JARID2: variants seen among roughly 807,000 people sequenced by gnomAD.
JARID2 encodes jumonji and AT-rich interaction domain containing 2, also known as protein Jumonji.
A neutral mutation model predicts 125.6 loss-of-function variants in JARID2; 21 were observed. The observed-to-expected ratio is 0.17, with a 90% confidence interval of 0.12 to 0.24. JARID2 has a LOEUF of 0.24. JARID2 is among the 10% of genes least tolerant of loss of function. JARID2 has a pLI of 1.00. For missense variants in JARID2, 1,303 were observed against 1,639.6 expected (o/e 0.79, Z 3.55); for synonymous variants, 736 against 661.6 (o/e 1.11, Z -1.73).
intron 5 of JARID2, among the ~76,000 whole-genome samples, chr6:15,473,137 A>T (rs1769157355): frequency 5.3e-5 from 8 of 152,242 alleles, no homozygotes; most frequent in Admixed American, 5.2e-4. Flanking sequence ...TTTTATTGTG[A>T]TAAGTGCTGA....
intron 8 of JARID2, among the ~76,000 whole-genome samples, chr6:15,502,139 T>G (rs1464517641): frequency 1.3e-5 from 2 of 152,238 alleles, no homozygotes; most frequent in Admixed American, 1.3e-4. Flanking sequence ...AGCGTTTCCC[T>G]GTCTCCGCCA....
Position 15,496,746 on chromosome 6 carries a change from C to G in JARID2, c.1521C>G (p.Ser507Arg). 1 of 1,613,670 alleles carries G rather than the reference C, an allele frequency of 6.2e-7. No individual in the cohort carries two copies. Among genetic ancestry groups the G allele is most frequent in the Non-Finnish European group, 8.5e-7 (1 of 1,179,960 alleles). Residue 507 changes from serine to arginine, a missense_variant, in exon 7 of 18, where the codon AGC becomes AGG. Ser to Arg is a moderately radical substitution (Grantham distance 110). Transcript: ENST00000341776. ...CGAAGCGGGCCACGGCCGGGAAGAG[C>G]ACGCCAGGCAGACAAGCACATGGCA... Reference protein sequence around the residue: ...NRPKRATAGKSTPGRQAHGKA... With the variant: ...NRPKRATAGKRTPGRQAHGKA...
intron 3 of JARID2, among the ~76,000 whole-genome samples, chr6:15,439,511 T>A (rs1404948837): frequency 6.6e-6 from 1 of 152,220 alleles, no homozygotes; most frequent in Non-Finnish European, 1.5e-5. Context: ...GGGTTTAAGC[T>A]GCACTGAAGG....
chr6:15,413,632 G>T (rs1443250309), intron 3 of JARID2, among the ~76,000 whole-genome samples: 1 of 152,138 alleles, frequency 6.6e-6, no homozygotes, highest in Non-Finnish European at 1.5e-5. Context: ...AAAGAGATGG[G>T]ATCTGGCTTT....
intron 1 of JARID2, among the ~76,000 whole-genome samples, chr6:15,303,275 A>T (rs1197563778): frequency 2.0e-5 from 3 of 152,242 alleles, no homozygotes; most frequent in African/African-American, 7.2e-5. Flanking sequence ...ATTCATAGGC[A>T]TCACCTGGGG....
intron 2 of JARID2, among the ~76,000 whole-genome samples, chr6:15,388,639 T>C (rs1764881626): frequency 6.7e-6 from 1 of 149,548 alleles, no homozygotes; most frequent in African/African-American, 2.4e-5. Context: ...AATATATAAA[T>C]ATTTTATAAT....
chr6:15,354,477 C>CAAGA (rs1763532065), intron 1 of JARID2, among the ~76,000 whole-genome samples: 1 of 152,166 alleles, frequency 6.6e-6, no homozygotes, highest in South Asian at 2.1e-4. Context: ...TACTTTAATG[C>CAAGA]TTTCTTTGTC....
In JARID2 at chr6:15,415,886, C is replaced by T. The variant is rs574187132; in HGVS notation, c.323+5521C>T. On this transcript the variant is annotated intron_variant, in intron 3 of 17. Coordinates refer to ENST00000341776, the MANE Select transcript of JARID2 (RefSeq NM_004973.4). ...GGCGGGGGCTGACCCCCACCTCCCTCCCGGATGGGGTGGTGCCAGGCAGAG... is the reference window on the plus strand; with the variant it reads ...GGCGGGGGCTGACCCCCACCTCCCTTCCGGATGGGGTGGTGCCAGGCAGAG... Among the ~76,000 whole-genome samples, 41 of 151,564 alleles carry T rather than the reference C, an allele frequency of 2.7e-4. 1 individual carries two copies. The South Asian group carries it at 8.3e-3, about 31-fold the overall frequency.
At chr6:15,484,123 G>A (rs1367326845) in intron 5 of JARID2, among the ~76,000 whole-genome samples, 1 of 152,066 alleles carries the variant, frequency 6.6e-6, no homozygotes, top group Admixed American at 6.5e-5. Flanking sequence ...GGTCCTTGAA[G>A]GGTCTGTAAA....
At chr6:15,334,727 A>G (rs1416033141) in intron 1 of JARID2, among the ~76,000 whole-genome samples, 1 of 152,078 alleles carries the variant, frequency 6.6e-6, no homozygotes, top group African/African-American at 2.4e-5. Flanking sequence ...AGAGTGTACA[A>G]CTCTAGATAC....
At position 15,481,970 on chromosome 6, in the gene JARID2, C is replaced by A. The variant is rs187886308; in HGVS notation, c.671-5337C>A. 2.5e-4 allele frequency among the ~76,000 whole-genome samples: 38 copies of A among 152,314 alleles called. 1 individual carries two copies. In the East Asian group the frequency reaches 6.9e-3, roughly 28 times the overall value. On this transcript the variant is annotated intron_variant, in intron 5 of 17. Transcript: ENST00000341776. ...TATAATCCTGGTACTCACCGCTTTG[C>A]TGTCCATAGTATTTTCCTGAGCAGT...
At chr6:15,471,703 A>G (rs745341681) in intron 5 of JARID2, among the ~76,000 whole-genome samples, 9 of 152,148 alleles carry the variant, frequency 5.9e-5, no homozygotes, top group Non-Finnish European at 1.3e-4. Context: ...TCAGTTTTTA[A>G]TGTTAAGAAT....
intron 1 of JARID2, among the ~76,000 whole-genome samples, chr6:15,323,908 C>T (rs913146068): frequency 7.9e-5 from 12 of 151,336 alleles, no homozygotes; most frequent in Admixed American, 3.3e-4. Context: ...AAAGGCTGGG[C>T]GTGGTGGCTC....
At chr6:15,448,545 G>C (rs138133143) in intron 3 of JARID2, among the ~76,000 whole-genome samples, 285 of 152,290 alleles carry the variant, frequency 1.9e-3, no homozygotes, top group African/African-American at 6.3e-3. Flanking sequence ...AGTGCGATTT[G>C]CGTCCATTCA....
intron 1 of JARID2, chr6:15,369,189 G>T: frequency 1.0e-5 from 3 of 294,600 alleles, no homozygotes; most frequent in African/African-American, 2.2e-5. Context: ...TCTCCTTTTT[G>T]TCTTTTAGTA....
At chr6:15,433,923 T>TGG (rs1270086726) in intron 3 of JARID2, among the ~76,000 whole-genome samples, 1 of 22,434 alleles carries the variant, frequency 4.5e-5, no homozygotes, top group Non-Finnish European at 1.0e-4. Flanking sequence ...CTCTCCAGGG[T>TGG]GTGTGTGTGT....
intron 2 of JARID2, among the ~76,000 whole-genome samples, chr6:15,402,682 G>A (rs1765484892): frequency 6.6e-6 from 1 of 152,204 alleles, no homozygotes; most frequent in Non-Finnish European, 1.5e-5. Context: ...GTCGCCTTGA[G>A]TCAGTTTTCT....
At chr6:15,404,545 A>G (rs1765572702) in intron 2 of JARID2, among the ~76,000 whole-genome samples, 4 of 150,982 alleles carry the variant, frequency 2.6e-5, no homozygotes, top group African/African-American at 4.9e-5. Context: ...ACACACACAC[A>G]CACACACACA....
At chr6:15,418,900 T>G (rs1291487071) in intron 3 of JARID2, among the ~76,000 whole-genome samples, 1 of 152,208 alleles carries the variant, frequency 6.6e-6, no homozygotes, top group Non-Finnish European at 1.5e-5. Flanking sequence ...CCTTATTCTT[T>G]TTGGTCTGAG....
Sources: gnomAD v4.1 joint callset for allele counts (sites outside exome capture counted in the v4.1 genomes callset) on GRCh38, gnomAD v4.1.1 for gene constraint, MANE v1.5 for transcripts, NCBI Gene and HGNC (gene_info 2026-07-23, HGNC 2026-07-21) for gene names.